The following FRMPD2 variants were observed in gnomAD, a reference collection of about 807,000 sequenced individuals.
FRMPD2 encodes FERM and PDZ domain containing 2.
In FRMPD2, 96 loss-of-function variants were observed where a neutral mutation model predicts 140.1. The observed-to-expected ratio is 0.69, with a 90% CI of 0.58 to 0.81. The LOEUF (loss-of-function observed/expected upper bound fraction) is 0.81, where lower values mean the gene tolerates loss of function less well. Among genes scored for constraint, FRMPD2 ranks in the 40% least tolerant of loss-of-function variants. The probability of loss-of-function intolerance (pLI) is 0.00; values close to 1 mark genes in which losing one functional copy is unlikely to be tolerated. For missense variants in FRMPD2, 1,240 were observed against 1,447.4 expected (o/e 0.86, Z 2.32); for synonymous variants, 449 against 547.6 (o/e 0.82, Z 2.52).
rs1482809115 is a variant in FRMPD2 at position 48,238,133 on chromosome 10, G to A, written c.789-10C>T. ...TGCTCCTGGAAGAGCGCTGGCCAGG[G>A]GTTGAGAAGGGGTGAAGCACTTAGC... is the stretch of plus-strand genomic sequence containing the variant. On this transcript the variant is annotated splice_polypyrimidine_tract_variant and intron_variant, in intron 7 of 28. Transcript: ENST00000374201. The A allele has an allele frequency of 1.9e-6, 3 of 1,606,604 alleles. No individual in the cohort carries two copies. Among genetic ancestry groups the A allele is most frequent in the Non-Finnish European group, 8.5e-7 (1 of 1,179,788 alleles).
chr10:48,251,169 G>GGTGA (rs1464906392), intron 2 of FRMPD2, among the ~76,000 whole-genome samples: 2 of 152,156 alleles, frequency 1.3e-5, no homozygotes, highest in African/African-American at 4.8e-5. Context: ...GGGTGTCCTG[G>GGTGA]GTGACCACAC....
chr10:48,159,805 G>T (rs1264211149), intron 28 of FRMPD2, among the ~76,000 whole-genome samples: 3 of 151,782 alleles, frequency 2.0e-5, no homozygotes, highest in African/African-American at 7.3e-5. Flanking sequence ...GAAAGAGAAA[G>T]ATAACCTTAA....
chr10:48,183,851 C>CAAAAAAA lies in FRMPD2; in HGVS notation c.2584+708_2584+714dup, dbSNP rs57389978. 2.1e-3 allele frequency among the ~76,000 whole-genome samples: 160 copies of CAAAAAAA among 76,776 alleles called. 6 individuals are homozygous for CAAAAAAA. The highest frequency in any genetic ancestry group is 5.1e-3 in the African/African-American group (89 of 17,550). The allele number at this position is 76,776 out of a possible 152,430, so 50.4% of individuals were successfully genotyped here. A position where few individuals can be genotyped will look rare whatever the true frequency, so the allele number is the denominator to read the frequency against. ...TGGGTGAAAGAGTGAGACTCCATCT[C>CAAAAAAA]AAAAAAAAAAAAGGAAAATCAAATA... is the stretch of plus-strand genomic sequence containing the variant. On this transcript the variant is annotated intron_variant, in intron 20 of 28. Transcript: ENST00000374201.
chr10:48,196,235 G>A lies in FRMPD2; in HGVS notation c.1955-3341C>T, dbSNP rs6537555. On this transcript the variant is annotated intron_variant, in intron 15 of 28. Transcript: ENST00000374201. ...CAGGGCAAAGAATATGGCAGGACTGGGGACTGAGTGGGAAGTGTCTGGCAT... is the reference window on the plus strand; with the variant it reads ...CAGGGCAAAGAATATGGCAGGACTGAGGACTGAGTGGGAAGTGTCTGGCAT... Among the ~76,000 whole-genome samples the A allele has an allele frequency of 2.5e-3, 387 of 152,300 alleles. 3 individuals are homozygous for A. Among genetic ancestry groups the A allele is most frequent in the African/African-American group, 8.9e-3 (368 of 41,558 alleles).
At chr10:48,225,152 C>A (rs75593887) in intron 10 of FRMPD2, among the ~76,000 whole-genome samples, 2,193 of 152,260 alleles carry the variant, frequency 0.014, 51 homozygotes, top group African/African-American at 0.048. Context: ...CCAGTGTGAT[C>A]CCAGCTCAGC....
rs34002506 is a variant in FRMPD2 at position 48,184,785 on chromosome 10, G to A, written c.2456C>T (p.Thr819Met). The A allele has an allele frequency of 1.0e-4, 163 of 1,612,704 alleles. No homozygotes were observed. In the African/African-American group the frequency reaches 1.3e-3, roughly 13 times the overall value. ...TTAAAAAGATGTACCTGGTTTGATC[G>A]TTTTTGCTTTTTCTGCTGGTCCTCC... ...IPGGPAEKAKTIKPGGQILAL... is the reference protein window; with the variant it reads ...IPGGPAEKAKMIKPGGQILAL... Residue 819 changes from threonine (T) to methionine (M), a missense_variant, in exon 19 of 29, where the codon ACG (threonine) becomes ATG (methionine). Transcript: ENST00000374201.
intron 15 of FRMPD2, among the ~76,000 whole-genome samples, chr10:48,197,220 A>G (rs963625302): frequency 1.8e-4 from 27 of 152,154 alleles, no homozygotes; most frequent in Non-Finnish European, 3.5e-4. Context: ...CCCAGGACCC[A>G]ATGACACAGC....
chr10:48,238,439 G>A (rs936672991), intron 7 of FRMPD2, among the ~76,000 whole-genome samples: 1 of 152,138 alleles, frequency 6.6e-6, no homozygotes, highest in African/African-American at 2.4e-5. Flanking sequence ...GCAGGTCATG[G>A]GACTGCAGCA....
At chr10:48,206,215 G>A (rs1839195426) in intron 14 of FRMPD2, among the ~76,000 whole-genome samples, 1 of 152,148 alleles carries the variant, frequency 6.6e-6, no homozygotes, top group Admixed American at 6.5e-5. Flanking sequence ...TTCAAAAATA[G>A]ACTTTGAAAC....
chr10:48,217,895 A>T (rs568469990), intron 12 of FRMPD2, among the ~76,000 whole-genome samples: 2 of 152,360 alleles, frequency 1.3e-5, no homozygotes, highest in East Asian at 3.9e-4. Flanking sequence ...AGTGGTGGCT[A>T]CTGTTCCTCC....
chr10:48,259,146 C>A (rs960374019), intron 1 of FRMPD2, among the ~76,000 whole-genome samples: 2 of 152,104 alleles, frequency 1.3e-5, no homozygotes, highest in African/African-American at 2.4e-5. Flanking sequence ...GTAATGTGAC[C>A]GCAGTGTGTA....
intron 28 of FRMPD2, chr10:48,158,804 G>T: frequency 7.7e-6 from 2 of 260,104 alleles, no homozygotes; most frequent in South Asian, 8.3e-5. Context: ...CAGAACCAGG[G>T]TCCCCACCAA....
At chr10:48,229,364 T>C (rs1588842636) in intron 10 of FRMPD2, among the ~76,000 whole-genome samples, 1 of 152,326 alleles carries the variant, frequency 6.6e-6, no homozygotes, top group African/African-American at 2.4e-5. Context: ...TCTACTTTGA[T>C]CAAGGGTTTT....
intron 1 of FRMPD2, among the ~76,000 whole-genome samples, chr10:48,258,143 G>T (rs1840520769): frequency 6.6e-6 from 1 of 152,098 alleles, no homozygotes; most frequent in Admixed American, 6.5e-5. Flanking sequence ...TCTCCCTCTG[G>T]ACATTTATTA....
At chr10:48,261,413 G>T (rs1007503623) in intron 1 of FRMPD2, among the ~76,000 whole-genome samples, 1 of 151,612 alleles carries the variant, frequency 6.6e-6, no homozygotes, top group Non-Finnish European at 1.5e-5. Context: ...AGAGAGAAAT[G>T]TAACTTACAT....
chr10:48,178,024 C>G, intron 22 of FRMPD2, 23 bp downstream of exon 22: 1 of 1,373,498 alleles, frequency 7.3e-7, no homozygotes, highest in Non-Finnish European at 1.0e-6. Context: ...AACTGCTTTT[C>G]AAGCTCTCCT....
intron 14 of FRMPD2, among the ~76,000 whole-genome samples, chr10:48,206,265 G>A (rs547830210): frequency 3.3e-5 from 5 of 152,226 alleles, no homozygotes; most frequent in Admixed American, 6.5e-5. Context: ...TCAGTGTCCC[G>A]TAGCACACCT....
intron 9 of FRMPD2, 68 bp downstream of exon 9, chr10:48,236,414 T>C (rs924253029): frequency 1.6e-4 from 211 of 1,341,578 alleles, no homozygotes; most frequent in Non-Finnish European, 2.0e-4. Flanking sequence ...TCAGACACAA[T>C]TGGCCTCCCG....
At chr10:48,174,733 A>C in intron 24 of FRMPD2, 137 bp downstream of exon 24, 1 of 747,452 alleles carries the variant, frequency 1.3e-6, no homozygotes, top group Non-Finnish European at 2.3e-6. Flanking sequence ...GAAGAAATGG[A>C]AGAGAAAAAA....
Sources: allele counts gnomAD v4.1 joint callset (sites outside exome capture counted in the v4.1 genomes callset), GRCh38; gene constraint gnomAD v4.1.1; transcripts MANE v1.5; gene names NCBI Gene and HGNC (gene_info 2026-07-23, HGNC 2026-07-21).